The following FAM210A variants were observed in gnomAD, a reference collection of about 807,000 sequenced individuals.
FAM210A encodes the protein family with sequence similarity 210 member A.
Under a neutral mutation model 25.3 loss-of-function variants are expected in FAM210A, and 13 were observed. That is an observed-to-expected ratio of 0.51 (90% CI 0.33 to 0.82). The LOEUF is 0.82. Among genes scored for constraint, FAM210A ranks in the 40% least tolerant of loss-of-function variants. The pLI, the probability that FAM210A is intolerant of heterozygous loss-of-function variation, is 0.02. For missense variants in FAM210A, 319 were observed against 323.2 expected, an observed-to-expected ratio of 0.99 and a Z score of 0.10; for synonymous variants, 125 against 118.7, an observed-to-expected ratio of 1.05 and a Z score of -0.35.
chr18:13,684,356 G>A (rs1249164112), intron 1 of FAM210A, among the ~76,000 whole-genome samples: 1 of 151,728 alleles, frequency 6.6e-6, no homozygotes, highest in South Asian at 2.1e-4. Flanking sequence ...CCGAGGTCGC[G>A]CCACTGCACT....
chr18:13,680,044 G>A (rs1351313933), intron 2 of FAM210A, among the ~76,000 whole-genome samples: 4 of 152,122 alleles, frequency 2.6e-5, no homozygotes, highest in Admixed American at 6.5e-5. Flanking sequence ...CCAGGAGGCC[G>A]AATGCCTTGC....
At chr18:13,714,050 CA>C (rs2043842292) in intron 1 of FAM210A, among the ~76,000 whole-genome samples, 1 of 152,138 alleles carries the variant, frequency 6.6e-6, no homozygotes, top group African/African-American at 2.4e-5. Context: ...AAAACAGTTA[CA>C]AAAGAACTTA....
intron 1 of FAM210A, chr18:13,710,243 G>A (rs1318821933): frequency 6.6e-6 from 1 of 152,016 alleles, no homozygotes; most frequent in African/African-American, 2.4e-5. Flanking sequence ...GAGTACAATG[G>A]TGTGATCTCA....
intron 1 of FAM210A, among the ~76,000 whole-genome samples, chr18:13,687,221 G>C (rs2043605239): frequency 6.6e-6 from 1 of 152,216 alleles, no homozygotes; most frequent in Non-Finnish European, 1.5e-5. Context: ...AACCTTGGAA[G>C]CTGAGTTCAG....
intron 2 of FAM210A, among the ~76,000 whole-genome samples, chr18:13,675,757 ATTT>A (rs2043493088): frequency 1.9e-4 from 2 of 10,446 alleles, no homozygotes; most frequent in Non-Finnish European, 2.2e-4. Context: ...TGGCTTCTTT[ATTT>A]CCAGTTTCCT....
chr18:13,672,841 G>T (rs1299782952), intron 2 of FAM210A, among the ~76,000 whole-genome samples: 5 of 152,198 alleles, frequency 3.3e-5, no homozygotes, highest in African/African-American at 1.2e-4. Flanking sequence ...CTAAAAGGAT[G>T]CTTCTATTCT....
At chr18:13,668,269 C>T (rs1235367893) in intron 3 of FAM210A, among the ~76,000 whole-genome samples, 1 of 152,216 alleles carries the variant, frequency 6.6e-6, no homozygotes, top group African/African-American at 2.4e-5. Flanking sequence ...CTGGAACCAT[C>T]CCACACAGCT....
At chr18:13,724,204 C>G (rs927914927) in intron 1 of FAM210A, among the ~76,000 whole-genome samples, 35 of 152,254 alleles carry the variant, frequency 2.3e-4, no homozygotes, top group Middle Eastern at 3.4e-3. Context: ...ATAACCCAGG[C>G]ATTAAGAAGT....
intron 2 of FAM210A, among the ~76,000 whole-genome samples, chr18:13,678,365 G>C (rs1298538295): frequency 6.6e-6 from 1 of 151,894 alleles, no homozygotes; most frequent in Admixed American, 6.6e-5. Context: ...CTGCCTCCTG[G>C]GTTCAAGCGA....
chr18:13,670,157 T>C (rs1451763068), intron 3 of FAM210A, among the ~76,000 whole-genome samples: 1 of 152,180 alleles, frequency 6.6e-6, no homozygotes, highest in African/African-American at 2.4e-5. Flanking sequence ...GACATGATTC[T>C]GAGTTCCTGG....
chr18:13,692,931 C>G (rs569716274), intron 1 of FAM210A, among the ~76,000 whole-genome samples: 1 of 152,068 alleles, frequency 6.6e-6, no homozygotes, highest in Non-Finnish European at 1.5e-5. Flanking sequence ...ACACAAAAAA[C>G]CCTTCAAAAA....
rs56656145 is a variant in FAM210A at position 13,665,381 on chromosome 18, C to CAAAAA, written c.*1094_*1098dup. 1 of 63,704 alleles carries CAAAAA rather than the reference C, an allele frequency of 1.6e-5. No homozygotes were observed. The highest frequency in any genetic ancestry group is 5.1e-5 in the African/African-American group (1 of 19,438). The allele number at this position is 63,704 out of a possible 1,614,324, so 3.9% of individuals were successfully genotyped here. Reference sequence around the variant, plus strand: ...GGAGAGAGAGAGGGAGGCTCCGTCTCAAAAAAAAAAAAAAAAAAAAAAAAA... The same window carrying CAAAAA: ...GGAGAGAGAGAGGGAGGCTCCGTCTCAAAAAAAAAAAAAAAAAAAAAAAAAAAAAA... On this transcript the variant is annotated 3_prime_UTR_variant, in exon 4 of 4. Transcript: ENST00000651643.
rs71353291 is a variant in FAM210A at position 13,704,645 on chromosome 18, G to A, written c.-29+21684C>T. 5.7e-3 allele frequency among the ~76,000 whole-genome samples: 867 copies of A among 152,252 alleles called. 5 individuals carry two copies. The highest frequency in any genetic ancestry group is 0.01 in the Middle Eastern group (3 of 294). On this transcript the variant is annotated intron_variant, in intron 1 of 3. Coordinates refer to ENST00000651643, the MANE Select transcript of FAM210A (RefSeq NM_152352.4). ...CCTGAAGCATCCAAAAGAGAGGTAA[G>A]CACAGGATTATTTGACATGTTAAGT... is the stretch of plus-strand genomic sequence containing the variant.
chr18:13,678,068 A>G (rs2043519915), intron 2 of FAM210A, among the ~76,000 whole-genome samples: 1 of 152,166 alleles, frequency 6.6e-6, no homozygotes, highest in South Asian at 2.1e-4. Context: ...TCTATCTTCT[A>G]TCTTCAGTTT....
chr18:13,725,089 T>A (rs1291834165), intron 1 of FAM210A, among the ~76,000 whole-genome samples: 1 of 152,198 alleles, frequency 6.6e-6, no homozygotes, highest in Non-Finnish European at 1.5e-5. Flanking sequence ...CATTAAAACA[T>A]GTTTTTAAAA....
intron 1 of FAM210A, among the ~76,000 whole-genome samples, chr18:13,689,382 T>C (rs2043623830): frequency 6.6e-6 from 1 of 152,150 alleles, no homozygotes; most frequent in Admixed American, 6.5e-5. Context: ...GCTAAAGAAA[T>C]CATATGATCA....
In FAM210A at chr18:13,681,654, G is replaced by T; in HGVS notation, c.424C>A (p.Leu142Ile). Reference sequence around the variant, plus strand: ...CCAAACCAAACACCAGAAGTTATTAGATGCACTGGAATCAGAACTTTTCCA... The same window carrying T: ...CCAAACCAAACACCAGAAGTTATTATATGCACTGGAATCAGAACTTTTCCA... ...QYGKVLIPVHLITSGVWFGTF... is the reference protein window; with the variant it reads ...QYGKVLIPVHIITSGVWFGTF... The change falls in exon 2 of 4, where the codon CTA becomes ATA. Residue 142 changes from leucine (L) to isoleucine (I), a missense_variant. Physicochemically the swap from Leu to Ile is conservative, Grantham distance 5. Coordinates refer to ENST00000651643, the MANE Select transcript of FAM210A (RefSeq NM_152352.4). 1 of 1,612,814 alleles carries T rather than the reference G, an allele frequency of 6.2e-7. No individual in the cohort carries two copies. The highest frequency in any genetic ancestry group is 8.5e-7 in the Non-Finnish European group (1 of 1,179,666).
chr18:13,678,791 G>GA (rs1368594711), intron 2 of FAM210A, among the ~76,000 whole-genome samples: 2 of 152,172 alleles, frequency 1.3e-5, no homozygotes, highest in Non-Finnish European at 2.9e-5. Context: ...CACAGATGAA[G>GA]AAACACACAA....
intron 1 of FAM210A, among the ~76,000 whole-genome samples, chr18:13,695,032 C>A (rs2043680293): frequency 6.6e-6 from 1 of 151,970 alleles, no homozygotes; most frequent in Non-Finnish European, 1.5e-5. Flanking sequence ...AAAAAATCAA[C>A]CCCATCAAAA....
Sources: gnomAD v4.1 joint callset for allele counts (sites outside exome capture counted in the v4.1 genomes callset) on GRCh38, gnomAD v4.1.1 for gene constraint, MANE v1.5 for transcripts, NCBI Gene and HGNC (gene_info 2026-07-23, HGNC 2026-07-21) for gene names.